The following PCDH9 variants were observed in gnomAD, a reference collection of about 807,000 sequenced individuals.
PCDH9 encodes protocadherin-9.
In PCDH9, 24 loss-of-function variants were observed where a neutral mutation model predicts 70.6. The ratio of observed to expected loss-of-function variants is 0.34; its 90% CI spans 0.25 to 0.48. The LOEUF is 0.48. Among genes scored for constraint, PCDH9 ranks in the 20% least tolerant of loss-of-function variants. PCDH9 has a pLI of 0.99. For synonymous variants in PCDH9, 562 were observed against 558.5 expected, an observed-to-expected ratio of 1.01 and a Z score of -0.09; for missense variants, 1,281 against 1,503.6, an observed-to-expected ratio of 0.85 and a Z score of 2.45.
chr13:67,124,406 T>C (rs562150537), intron 2 of PCDH9, among the ~76,000 whole-genome samples: 54 of 152,318 alleles, frequency 3.5e-4, no homozygotes, highest in Non-Finnish European at 6.6e-4. Flanking sequence ...GAATATGATA[T>C]GTGTAATAAA....
chr13:67,085,873 C>T (rs1566414853), intron 2 of PCDH9, among the ~76,000 whole-genome samples: 1 of 152,104 alleles, frequency 6.6e-6, no homozygotes, highest in Non-Finnish European at 1.5e-5. Flanking sequence ...TCCCTATAGC[C>T]TCATTATTTA....
chr13:66,304,406 T>TA lies in PCDH9; in HGVS notation c.*248dup, dbSNP rs34210948. The TA allele has an allele frequency of 2.1e-5, 8 of 389,028 alleles. No homozygotes were observed. Among genetic ancestry groups the TA allele is most frequent in the East Asian group, 7.7e-5 (2 of 25,872 alleles). 24.1% of individuals were successfully genotyped at this position (389,028 alleles called of 1,614,324 possible). On this transcript the variant is annotated 3_prime_UTR_variant, in exon 5 of 5. Coordinates refer to ENST00000377865, the MANE Select transcript of PCDH9 (RefSeq NM_203487.3). ...CCAGGGTCAAAATAAAATGCAATAA[T>TA]AAAAAAAATTTGCACAATGGAGAGA...
intron 3 of PCDH9, among the ~76,000 whole-genome samples, chr13:66,785,062 T>G (rs900483404): frequency 1.3e-5 from 2 of 152,132 alleles, no homozygotes; most frequent in Non-Finnish European, 2.9e-5. Flanking sequence ...TTGTATTTCT[T>G]TCTTAAAAAA....
chr13:66,481,965 CAA>C (rs887528342), intron 4 of PCDH9, among the ~76,000 whole-genome samples: 8 of 146,684 alleles, frequency 5.5e-5, no homozygotes, highest in Non-Finnish European at 1.2e-4. Flanking sequence ...CACACACACA[CAA>C]AATCAATCAA....
intron 2 of PCDH9, among the ~76,000 whole-genome samples, chr13:66,905,049 C>A (rs1468618528): frequency 6.6e-6 from 1 of 152,026 alleles, no homozygotes; most frequent in African/African-American, 2.4e-5. Context: ...ATTTTAACCT[C>A]TGTTTCTAAG....
At chr13:67,050,766 ATGTC>A (rs1049581984) in intron 2 of PCDH9, among the ~76,000 whole-genome samples, 54 of 152,290 alleles carry the variant, frequency 3.5e-4, no homozygotes, top group African/African-American at 1.3e-3. Flanking sequence ...TCTAAAAATC[ATGTC>A]TGTCTGACAA....
chr13:67,104,481 C>G (rs1274699311), intron 2 of PCDH9, among the ~76,000 whole-genome samples: 1 of 152,164 alleles, frequency 6.6e-6, no homozygotes, highest in Non-Finnish European at 1.5e-5. Flanking sequence ...TGATTTCAAA[C>G]TTGCCTGATG....
intron 4 of PCDH9, among the ~76,000 whole-genome samples, chr13:66,331,429 C>T (rs1166085103): frequency 4.6e-5 from 7 of 152,132 alleles, no homozygotes; most frequent in Non-Finnish European, 1.0e-4. Context: ...GGTTACAATA[C>T]ATCTCTTTAT....
At chr13:66,979,148 G>A (rs1281889861) in intron 2 of PCDH9, among the ~76,000 whole-genome samples, 2 of 152,040 alleles carry the variant, frequency 1.3e-5, no homozygotes. Flanking sequence ...GCAAAGAGGT[G>A]AAATCCAAGA....
chr13:66,558,068 T>C (rs1008479255), intron 4 of PCDH9, among the ~76,000 whole-genome samples: 1 of 152,080 alleles, frequency 6.6e-6, no homozygotes, highest in African/African-American at 2.4e-5. Context: ...GGCAGAAGGA[T>C]TGCTTGTGCC....
chr13:66,595,758 A>T (rs75024880), intron 4 of PCDH9, among the ~76,000 whole-genome samples: 231 of 151,794 alleles, frequency 1.5e-3, no homozygotes, highest in African/African-American at 5.3e-3. Context: ...ATTGGTAATC[A>T]CATTCTGCAT....
chr13:66,665,150 A>G (rs1009441616), intron 3 of PCDH9, among the ~76,000 whole-genome samples: 3 of 144,512 alleles, frequency 2.1e-5, no homozygotes, highest in Non-Finnish European at 3.0e-5. Context: ...CTTGTCGCCC[A>G]GGCTGGAGGG....
chr13:66,621,196 C>T (rs1459794849), intron 4 of PCDH9, among the ~76,000 whole-genome samples: 1 of 152,118 alleles, frequency 6.6e-6, no homozygotes, highest in Admixed American at 6.5e-5. Context: ...TTCTAACCAA[C>T]AAAGTAAAGC....
intron 4 of PCDH9, among the ~76,000 whole-genome samples, chr13:66,310,943 A>G (rs1044329122): frequency 2.9e-4 from 44 of 152,020 alleles, no homozygotes; most frequent in African/African-American, 9.7e-4. Flanking sequence ...CTAAGTTCCA[A>G]TTTCACTGTA....
chr13:66,327,743 G>A (rs1243115153), intron 4 of PCDH9, among the ~76,000 whole-genome samples: 1 of 151,986 alleles, frequency 6.6e-6, no homozygotes, highest in South Asian at 2.1e-4. Context: ...TGCATTATGA[G>A]GCTATTTGTG....
At chr13:66,696,095 T>C (rs537027485) in intron 3 of PCDH9, among the ~76,000 whole-genome samples, 41 of 152,238 alleles carry the variant, frequency 2.7e-4, no homozygotes, top group African/African-American at 8.2e-4. Context: ...ATGAATTACA[T>C]GAATTATGTT....
Position 67,041,550 on chromosome 13 carries a change from GGC to G in PCDH9, c.3037-137947_3037-137946del, listed in dbSNP as rs548878972. Among the ~76,000 whole-genome samples the G allele has an allele frequency of 2.2e-3, 329 of 152,232 alleles. 4 individuals are homozygous for G. The East Asian group carries it at 0.029, about 13-fold the overall frequency. On this transcript the variant is annotated intron_variant, in intron 2 of 4. Coordinates refer to ENST00000377865, the MANE Select transcript of PCDH9 (RefSeq NM_203487.3). ...GTACCCTAAGACTGTACCTGTCTAT[GGC>G]CAGGTGCAGTGGCTCACGCCTGTAA...
chr13:66,348,205 T>C (rs1167201249), intron 4 of PCDH9, among the ~76,000 whole-genome samples: 1 of 152,102 alleles, frequency 6.6e-6, no homozygotes, highest in African/African-American at 2.4e-5. Context: ...TCTGGGGTCT[T>C]CTAGGCTTAC....
rs143295647 is a variant in PCDH9, at chr13:66,385,781, A to G, written c.3341-80753T>C. ...ATAAGAGTTAAATGGGTCTATTTAC[A>G]TCTGAATTCTAACAGCGATTTCAAA... On this transcript the variant is annotated intron_variant, in intron 4 of 4. Transcript: ENST00000377865. Among the ~76,000 whole-genome samples the G allele has an allele frequency of 3.0e-4, 45 of 152,318 alleles. 1 individual carries two copies. In the East Asian group the frequency reaches 7.9e-3, roughly 27 times the overall value.
Sources: allele counts gnomAD v4.1 joint callset (sites outside exome capture counted in the v4.1 genomes callset), GRCh38; gene constraint gnomAD v4.1.1; transcripts MANE v1.5; gene names NCBI Gene and HGNC (gene_info 2026-07-23, HGNC 2026-07-21).